Variants in VAC14 observed in about 807,000 individuals in gnomAD.
The protein encoded by VAC14 is VAC14 component of PIKFYVE complex.
Under a neutral mutation model 85.3 loss-of-function variants are expected in VAC14, and 47 were observed. That is an observed-to-expected ratio of 0.55 (90% CI 0.44 to 0.70). The LOEUF (loss-of-function observed/expected upper bound fraction) is 0.70. VAC14 is among the 30% of genes least tolerant of loss of function. The pLI is 0.00. For missense variants in VAC14, 861 were observed against 1,004.3 expected (o/e 0.86, Z 1.93); for synonymous variants, 447 against 430.5 (o/e 1.04, Z -0.47).
intron 13 of VAC14, among the ~76,000 whole-genome samples, chr16:70,735,503 C>T (rs1028594091): frequency 6.6e-6 from 1 of 152,226 alleles, no homozygotes; most frequent in Non-Finnish European, 1.5e-5. Flanking sequence ...ACTCTCCTCC[C>T]AGGAGCTCCG....
intron 9 of VAC14, among the ~76,000 whole-genome samples, chr16:70,778,201 G>A (rs1157745134): frequency 6.6e-6 from 1 of 152,198 alleles, no homozygotes; most frequent in Non-Finnish European, 1.5e-5. Context: ...ATCTAAAAAG[G>A]TAGATAGGCT....
At chr16:70,739,757 G>A (rs2030078388) in intron 13 of VAC14, among the ~76,000 whole-genome samples, 1 of 152,180 alleles carries the variant, frequency 6.6e-6, no homozygotes, top group Non-Finnish European at 1.5e-5. Context: ...TGATTACTGG[G>A]GAAAATGGCT....
intron 12 of VAC14, chr16:70,761,016 T>TGTGTGTGTGTGTGCGCGTGC (rs1413571677): frequency 3.3e-6 from 1 of 300,870 alleles, no homozygotes; most frequent in African/African-American, 4.2e-5. Flanking sequence ...TGTGTGTGTG[T>TGTGTGTGTGTGTGCGCGTGC]GTGCATGGGG....
At chr16:70,752,817 A>G (rs939109002) in intron 12 of VAC14, among the ~76,000 whole-genome samples, 4 of 152,338 alleles carry the variant, frequency 2.6e-5, no homozygotes, top group Non-Finnish European at 5.9e-5. Context: ...TCATCCAACC[A>G]AACTCCTCTA....
intron 12 of VAC14, among the ~76,000 whole-genome samples, chr16:70,759,313 T>A (rs564212413): frequency 2.6e-5 from 4 of 152,160 alleles, no homozygotes. Context: ...ATCTGGGGGC[T>A]GAAGGGGGAG....
intron 17 of VAC14, among the ~76,000 whole-genome samples, chr16:70,693,757 T>C (rs1030407716): frequency 3.3e-5 from 5 of 152,232 alleles, no homozygotes; most frequent in African/African-American, 1.2e-4. Flanking sequence ...GGAGAATCAC[T>C]GGCTTCTACT....
chr16:70,742,960 A>C, intron 13 of VAC14, among the ~76,000 whole-genome samples: 1 of 152,010 alleles, frequency 6.6e-6, no homozygotes, highest in South Asian at 2.1e-4. Flanking sequence ...TGTCTAGCTA[A>C]ATGCACCAAT....
intron 9 of VAC14, among the ~76,000 whole-genome samples, chr16:70,774,586 G>A (rs1388475769): frequency 6.6e-6 from 1 of 152,122 alleles, no homozygotes; most frequent in Non-Finnish European, 1.5e-5. Flanking sequence ...CATGTCCCCA[G>A]TGATTGACCG....
intron 1 of VAC14, among the ~76,000 whole-genome samples, chr16:70,798,364 TGA>T (rs2034634701): frequency 6.6e-6 from 1 of 152,220 alleles, no homozygotes; most frequent in South Asian, 2.1e-4. Flanking sequence ...GTCTGATTAA[TGA>T]GAGATTAATT....
chr16:70,780,678 A>G (rs913249116), intron 9 of VAC14, 112 bp downstream of exon 9: 21 of 1,327,244 alleles, frequency 1.6e-5, no homozygotes, highest in Middle Eastern at 2.5e-4. Context: ...TGTGTGAGTG[A>G]CATACATAAA....
At position 70,717,948 on chromosome 16, in the gene VAC14, C is replaced by T. The variant is rs554712318; in HGVS notation, c.1661+13547G>A. 3.3e-4 allele frequency among the ~76,000 whole-genome samples: 50 copies of T among 152,338 alleles called. No individual in the cohort carries two copies. In the South Asian group the frequency reaches 9.5e-3, roughly 29 times the overall value. On this transcript the variant is annotated intron_variant, in intron 14 of 18. Transcript: ENST00000261776. ...GATTACTGGCATGAGCCACCGCGCCCGGCCTTGAGTATTCATCTGAATGAC... is the reference window on the plus strand; with the variant it reads ...GATTACTGGCATGAGCCACCGCGCCTGGCCTTGAGTATTCATCTGAATGAC...
At chr16:70,741,798 T>C (rs1338176944) in intron 13 of VAC14, among the ~76,000 whole-genome samples, 1 of 152,230 alleles carries the variant, frequency 6.6e-6, no homozygotes, top group African/African-American at 2.4e-5. Flanking sequence ...GGCAAGAGTC[T>C]CTACTGCCAT....
At chr16:70,711,093 G>A (rs879778914) in intron 14 of VAC14, among the ~76,000 whole-genome samples, 11 of 152,368 alleles carry the variant, frequency 7.2e-5, no homozygotes, top group Admixed American at 3.9e-4. Context: ...AGAAGGCTGC[G>A]CATTTACCCT....
At chr16:70,714,541 G>C (rs1338063462) in intron 14 of VAC14, 4 of 152,232 alleles carry the variant, frequency 2.6e-5, no homozygotes, top group African/African-American at 9.7e-5. Flanking sequence ...GAGGGGCTCA[G>C]CTCATGGGAG....
intron 12 of VAC14, among the ~76,000 whole-genome samples, chr16:70,749,047 C>T (rs1029123867): frequency 2.0e-5 from 3 of 152,198 alleles, no homozygotes; most frequent in South Asian, 2.1e-4. Context: ...TCCCTATATG[C>T]GCAATGGAGA....
intron 18 of VAC14, chr16:70,688,537 T>G (rs2053541826): frequency 1.0e-6 from 1 of 986,404 alleles, no homozygotes; most frequent in Non-Finnish European, 1.2e-6. Flanking sequence ...TGGGAATTGC[T>G]GAAGAGCCTC....
intron 16 of VAC14, 28 bp from the exon 17 acceptor site, chr16:70,695,651 C>T: frequency 6.2e-7 from 1 of 1,607,926 alleles, no homozygotes; most frequent in African/African-American, 1.3e-5. Flanking sequence ...GAAAGTCTGT[C>T]TGCTGGGCCA....
At chr16:70,734,691 A>G (rs2054696332) in intron 13 of VAC14, among the ~76,000 whole-genome samples, 1 of 152,210 alleles carries the variant, frequency 6.6e-6, no homozygotes, top group Admixed American at 6.5e-5. Flanking sequence ...ATATCTTAAT[A>G]GCCAATTCAT....
In VAC14 at chr16:70,763,106, C is replaced by T; in HGVS notation, c.1161-81G>A. ...ATGGAGTCATGGCACCACCCTGGGCCTGCACATCCTGAGTCACACACTGCT... is the reference window on the plus strand; with the variant it reads ...ATGGAGTCATGGCACCACCCTGGGCTTGCACATCCTGAGTCACACACTGCT... On this transcript the variant is annotated intron_variant, in intron 10 of 18. Coordinates refer to ENST00000261776, the MANE Select transcript of VAC14 (RefSeq NM_018052.5). The T allele has an allele frequency of 3.2e-6, 5 of 1,583,710 alleles. No individual in the cohort carries two copies. In the Admixed American group the frequency reaches 8.6e-5, roughly 27 times the overall value.
Sources: allele counts gnomAD v4.1 joint callset (sites outside exome capture counted in the v4.1 genomes callset), GRCh38; gene constraint gnomAD v4.1.1; transcripts MANE v1.5; gene names NCBI Gene and HGNC (gene_info 2026-07-23, HGNC 2026-07-21).